Variants in PMS2 observed in about 807,000 individuals in gnomAD.
PMS2 encodes the protein PMS1 homolog 2, mismatch repair system component.
A neutral mutation model predicts 90.0 loss-of-function variants in PMS2; 69 were observed. The ratio of observed to expected loss-of-function variants is 0.77; its 90% CI spans 0.63 to 0.94. PMS2 has a LOEUF of 0.94. PMS2 is among the 40% of genes least tolerant of loss of function. The probability of loss-of-function intolerance (pLI) is 0.00; values close to 1 mark genes in which losing one functional copy is unlikely to be tolerated. For synonymous variants in PMS2, 332 were observed against 375.1 expected (o/e 0.89, Z 1.33); for missense variants, 966 against 1,040.2 (o/e 0.93, Z 0.98).
chr7:5,978,315 G>C (rs1781937295), intron 13 of PMS2, among the ~76,000 whole-genome samples: 1 of 146,292 alleles, frequency 6.8e-6, no homozygotes, highest in South Asian at 2.2e-4. Context: ...TTGTTGCCCA[G>C]GCTGGAGTGC....
intron 9 of PMS2, among the ~76,000 whole-genome samples, chr7:5,990,265 C>A (rs1017548217): frequency 6.6e-6 from 1 of 152,242 alleles, no homozygotes; most frequent in African/African-American, 2.4e-5. Flanking sequence ...GCCTTGGCCT[C>A]CCAAAGTTCT....
intron 5 of PMS2, among the ~76,000 whole-genome samples, chr7:6,001,474 G>A (rs1188918313): frequency 6.6e-6 from 1 of 150,864 alleles, no homozygotes; most frequent in Non-Finnish European, 1.5e-5. Flanking sequence ...GGATTCCAGC[G>A]ATTCTCCTGC....
rs876659736 is a variant in PMS2 at position 5,995,612 on chromosome 7, T to A, written c.825A>T (p.Gln275His). The change falls in exon 8 of 15, where the codon CAA becomes CAT. Residue 275 changes from glutamine to histidine, a missense_variant. Physicochemically the swap from Gln to His is conservative, Grantham distance 24 (BLOSUM62 0). Around this residue, in one of 2 missense-constraint regions of PMS2, gnomAD observed 871 missense variants for 802.4 expected, o/e 1.09. Coordinates refer to ENST00000265849, the MANE Select transcript of PMS2 (RefSeq NM_000535.7). ...NLFYISGFIS[Q>H]CTHGVGRSST... ...AACTCCTTCCAACTCCATGCGTGCA[T>A]TGTGAAATGAAACCTGAGATGCTAT... 1.9e-6 allele frequency: 3 copies of A among 1,613,138 alleles called. No homozygotes were observed. Among genetic ancestry groups the A allele is most frequent in the Admixed American group, 1.7e-5 (1 of 59,984 alleles).
In PMS2 at chr7:5,989,933, A is replaced by T. The variant is rs1353232685; in HGVS notation, c.1011T>A (p.Thr337=). The T allele has an allele frequency of 6.2e-7, 1 of 1,609,168 alleles. No homozygotes were observed. Among genetic ancestry groups the T allele is most frequent in the Admixed American group, 1.7e-5 (1 of 59,914 alleles). The change falls in exon 10 of 15, where the codon ACT becomes ACA. Residue 337 remains threonine (T), a synonymous_variant. Coordinates refer to ENST00000265849, the MANE Select transcript of PMS2 (RefSeq NM_000535.7). ...VDSECVDINV[T]PDKRQILLQE... ...GTAGCAAAATTTGCCTTTTATCTGG[A>T]GTAACATTGATATCAACGCATTCTA...
In PMS2 at chr7:5,977,492, G is replaced by T. The variant is rs541335663; in HGVS notation, c.2445+96C>A. On this transcript the variant is annotated intron_variant, in intron 14 of 14. Transcript: ENST00000265849. ...AAAATGACCCCTGGCAATCACAAAGGCGTTTACAACCTTGACCAAATCAGG... is the reference window on the plus strand; with the variant it reads ...AAAATGACCCCTGGCAATCACAAAGTCGTTTACAACCTTGACCAAATCAGG... 1,958 of 774,256 alleles carry T rather than the reference G, an allele frequency of 2.5e-3. 59 individuals carry two copies. The highest frequency in any genetic ancestry group is 3.6e-3 in the South Asian group (231 of 64,438). 48.0% of individuals were successfully genotyped at this position (774,256 alleles called of 1,614,324 possible).
Position 5,998,006 on chromosome 7 carries a change from A to T in PMS2, c.706-583T>A, listed in dbSNP as rs182559098. ...GAGAGAGAGTGAAAAGACGCAGTAT[A>T]CGAGTGTCTCTGGAAGAATAAAATG... On this transcript the variant is annotated intron_variant, in intron 6 of 14. Transcript: ENST00000265849. 2.1e-3 allele frequency among the ~76,000 whole-genome samples: 315 copies of T among 152,178 alleles called. 1 individual carries two copies. Among genetic ancestry groups the T allele is most frequent in the African/African-American group, 7.1e-3 (296 of 41,518 alleles).
intron 7 of PMS2, 66 bp from the exon 8 acceptor site, chr7:5,995,699 G>T: frequency 9.3e-7 from 1 of 1,072,386 alleles, no homozygotes; most frequent in Non-Finnish European, 1.5e-6. Context: ...ACGATCACAT[G>T]GCACATTCTT....
chr7:6,001,872 A>C (rs1473514678), intron 5 of PMS2: 1 of 152,080 alleles, frequency 6.6e-6, no homozygotes, highest in Non-Finnish European at 1.5e-5. Context: ...ACACGCCTGT[A>C]ATTGCAGCTA....
rs186577215 is a variant in PMS2, at chr7:5,989,951, G to A, written c.993C>T (p.Cys331=). 32 of 1,580,874 alleles carry A rather than the reference G, an allele frequency of 2.0e-5. No homozygotes were observed. The African/African-American group carries it at 3.0e-4, about 15-fold the overall frequency. ...VVLNISVDSE[C]VDINVTPDKR... is the part of the protein sequence containing the mutation. The stretch of plus-strand genomic sequence containing the variant: ...TATCTGGAGTAACATTGATATCAAC[G>A]CATTCTAAGGCAAAAAAGAAAACAT... The change falls in exon 10 of 15, where the codon TGC becomes TGT. Residue 331 remains cysteine, a synonymous_variant. Transcript: ENST00000265849.
At chr7:5,976,006 C>G (rs1781595722) in intron 14 of PMS2, among the ~76,000 whole-genome samples, 1 of 143,648 alleles carries the variant, frequency 7.0e-6, no homozygotes, top group African/African-American at 2.5e-5. Flanking sequence ...TTTGGGAGAC[C>G]AAGGCGGGCA....
chr7:5,995,461 A>G lies in PMS2; in HGVS notation c.903+73T>C, dbSNP rs1389225762. The G allele has an allele frequency of 5.5e-6, 5 of 905,392 alleles. No homozygotes were observed. In the East Asian group the frequency reaches 9.7e-5, roughly 18 times the overall value. 56.1% of individuals were successfully genotyped at this position (905,392 alleles called of 1,614,324 possible). ...GTCCCGAGCTCCACGTAAACTGCCT[A>G]TTATCAGAAAAAAGTTATCAATTAA... On this transcript the variant is annotated intron_variant, in intron 8 of 14. Transcript: ENST00000265849.
chr7:5,984,497 GC>G (rs1782651411), intron 11 of PMS2, among the ~76,000 whole-genome samples: 1 of 151,786 alleles, frequency 6.6e-6, no homozygotes, highest in South Asian at 2.1e-4. Flanking sequence ...TCACCTGGTG[GC>G]CTGAGCTGAG....
chr7:5,994,880 T>C (rs1197922148), intron 8 of PMS2, among the ~76,000 whole-genome samples: 2 of 152,096 alleles, frequency 1.3e-5, no homozygotes, highest in African/African-American at 2.4e-5. Flanking sequence ...AATACTTACA[T>C]AGTCTATAGG....
chr7:5,992,441 T>C (rs565940742), intron 8 of PMS2, among the ~76,000 whole-genome samples: 2 of 151,638 alleles, frequency 1.3e-5, no homozygotes, highest in Non-Finnish European at 2.9e-5. Flanking sequence ...TGACTCAGCC[T>C]CCAGAGTAGC....
At chr7:5,995,211 T>G (rs1003014592) in intron 8 of PMS2, among the ~76,000 whole-genome samples, 17 of 151,982 alleles carry the variant, frequency 1.1e-4, no homozygotes, top group Non-Finnish European at 2.2e-4. Flanking sequence ...TTATTTTTTG[T>G]ATTTTAGTAG....
At chr7:6,004,797 G>A (rs77314273) in intron 2 of PMS2, among the ~76,000 whole-genome samples, 6,542 of 151,372 alleles carry the variant, frequency 0.043, 204 homozygotes, top group Non-Finnish European at 0.066. Context: ...CTCAAAAAAA[G>A]GAAATTTCCT....
At chr7:5,999,566 G>T (rs1483143772) in intron 5 of PMS2, among the ~76,000 whole-genome samples, 1 of 152,076 alleles carries the variant, frequency 6.6e-6, no homozygotes, top group Non-Finnish European at 1.5e-5. Context: ...GAGGGCAGGA[G>T]GATCACTTGA....
In PMS2 at chr7:6,008,869, G is replaced by T. The variant is rs1188717267; in HGVS notation, c.23+128C>A. On this transcript the variant is annotated intron_variant, in intron 1 of 14. Coordinates refer to ENST00000265849, the MANE Select transcript of PMS2 (RefSeq NM_000535.7). Reference sequence around the variant, plus strand: ...TGCAACACTGAGGTCGCCACTCCGGGGCCTCCAGGGGGCTGCCTCGCCACG... The same window carrying T: ...TGCAACACTGAGGTCGCCACTCCGGTGCCTCCAGGGGGCTGCCTCGCCACG... The T allele has an allele frequency of 1.5e-5, 17 of 1,164,052 alleles. No individual in the cohort carries two copies. In the East Asian group the frequency reaches 4.0e-4, roughly 27 times the overall value. 72.1% of individuals were successfully genotyped at this position (1,164,052 alleles called of 1,614,324 possible). A position where few individuals can be genotyped will look rare whatever the true frequency, so the allele number is the denominator to read the frequency against.
intron 6 of PMS2, among the ~76,000 whole-genome samples, chr7:5,997,691 G>A (rs2128790763): frequency 6.6e-6 from 1 of 152,140 alleles, no homozygotes. Flanking sequence ...TGGGACTACA[G>A]GTGCACACCA....
Sources: allele counts gnomAD v4.1 joint callset (sites outside exome capture counted in the v4.1 genomes callset), GRCh38; gene constraint gnomAD v4.1.1; regional missense constraint gnomAD v4.1.1; transcripts MANE v1.5; gene names NCBI Gene and HGNC (gene_info 2026-07-23, HGNC 2026-07-21).